PEX11G: variants seen among roughly 807,000 people sequenced by gnomAD.
The protein encoded by PEX11G is peroxisomal membrane protein 11C.
Under a neutral mutation model 22.5 loss-of-function variants are expected in PEX11G, and 20 were observed. The ratio of observed to expected loss-of-function variants is 0.89; its 90% CI spans 0.62 to 1.29. The LOEUF is 1.29. Ranked by LOEUF, PEX11G falls within the 50% of genes most tolerant of loss-of-function variation. The pLI is 0.00. For synonymous variants in PEX11G, 141 were observed against 154.5 expected (o/e 0.91, Z 0.65); for missense variants, 347 against 331.3 (o/e 1.05, Z -0.37).
upstream of PEX11G, among the ~76,000 whole-genome samples, chr19:7,492,476 C>T (rs2145986505): frequency 6.6e-6 from 1 of 152,000 alleles, no homozygotes; most frequent in Non-Finnish European, 1.5e-5. Flanking sequence ...CAGAGTGTCA[C>T]TCTATTGCCT....
chr19:7,491,878 G>C (rs780954263), upstream of PEX11G, among the ~76,000 whole-genome samples: 5 of 151,748 alleles, frequency 3.3e-5, no homozygotes, highest in Non-Finnish European at 7.4e-5. Context: ...GGCTGGTTTC[G>C]ACCTCCTGGA....
In PEX11G at chr19:7,477,095, A is replaced by T; in HGVS notation, c.*107T>A. The T allele has an allele frequency of 1.8e-6, 2 of 1,090,430 alleles. No homozygotes were observed. The highest frequency in any genetic ancestry group is 2.5e-6 in the Non-Finnish European group (2 of 812,362). 67.5% of individuals were successfully genotyped at this position (1,090,430 alleles called of 1,614,324 possible). Reference sequence around the variant, plus strand: ...TCCACCCACCCTGCCCATGGGTTTCACCACAGGCAGCTCCATGAGAGCCCC... The same window carrying T: ...TCCACCCACCCTGCCCATGGGTTTCTCCACAGGCAGCTCCATGAGAGCCCC... On this transcript the variant is annotated 3_prime_UTR_variant, in exon 5 of 5. Transcript: ENST00000221480.
chr19:7,482,091 G>A lies in PEX11G; in HGVS notation c.370C>T (p.Arg124Trp), dbSNP rs774587572. The change falls in exon 3 of 5, where the codon CGG becomes TGG. Residue 124 changes from arginine (R) to tryptophan (W), a missense_variant. Coordinates refer to ENST00000221480, the MANE Select transcript of PEX11G (RefSeq NM_080662.4). Reference protein sequence around the residue: ...DARVLHVDSSRWWTLSTTLWA... With the variant: ...DARVLHVDSSWWWTLSTTLWA... ...AGGGTTGTACTCAGCGTCCACCACC[G>A]AGAAGAGTCCACGTGGAGGACCCGG... The A allele has an allele frequency of 9.3e-6, 15 of 1,605,872 alleles. No individual in the cohort carries two copies. Among genetic ancestry groups the A allele is most frequent in the Admixed American group, 3.4e-5 (2 of 59,132 alleles).
upstream of PEX11G, among the ~76,000 whole-genome samples, chr19:7,490,720 C>T (rs1173479447): frequency 2.1e-5 from 3 of 144,110 alleles, no homozygotes; most frequent in Non-Finnish European, 3.0e-5. Flanking sequence ...GATGTGAAGC[C>T]GCCACTTGTG....
intron 1 of PEX11G, among the ~76,000 whole-genome samples, chr19:7,486,995 T>C (rs2021689463): frequency 6.6e-6 from 1 of 151,480 alleles, no homozygotes; most frequent in Non-Finnish European, 1.5e-5. Flanking sequence ...TGTAGTGAGC[T>C]GTAATCGTGC....
At chr19:7,490,833 G>T (rs994984064), upstream of PEX11G, 6 of 151,668 alleles carry the variant, frequency 4.0e-5, no homozygotes, top group Admixed American at 4.0e-4. Context: ...GAGTGCAGCG[G>T]CACGATCTTA....
chr19:7,478,580 C>T (rs1012463667), intron 3 of PEX11G, among the ~76,000 whole-genome samples: 7 of 152,254 alleles, frequency 4.6e-5, no homozygotes, highest in South Asian at 2.1e-4. Flanking sequence ...CCGTCCCACC[C>T]GGGACATCGT....
chr19:7,486,022 C>A lies in PEX11G; in HGVS notation c.65G>T (p.Arg22Leu). The A allele has an allele frequency of 1.9e-6, 3 of 1,586,958 alleles. No individual in the cohort carries two copies. Among genetic ancestry groups the A allele is most frequent in the Middle Eastern group, 2.2e-4 (1 of 4,588 alleles). Reference protein sequence around the residue: ...ESYRGRDRLIRVLGYCCQLVG... With the variant: ...ESYRGRDRLILVLGYCCQLVG... The stretch of plus-strand genomic sequence containing the variant: ...CAGCTGGCAGCAGTACCCCAGCACT[C>A]GGATCTGTGGGAAACCAGAAGCAGT... The change falls in exon 2 of 5, where the codon CGA becomes CTA. Residue 22 changes from arginine to leucine, a missense_variant. Physicochemically the swap from Arg to Leu is moderately radical, Grantham distance 102 (BLOSUM62 -2). Transcript: ENST00000221480.
upstream of PEX11G, among the ~76,000 whole-genome samples, chr19:7,489,848 CGTCT>C (rs1226714638): frequency 6.8e-6 from 1 of 146,794 alleles, no homozygotes; most frequent in Non-Finnish European, 1.5e-5. Flanking sequence ...TGTCTGGAGA[CGTCT>C]TTTTTTTTTT....
At chr19:7,489,132 A>C (rs1188270303), upstream of PEX11G, 15 of 1,262,682 alleles carry the variant, frequency 1.2e-5, no homozygotes, top group African/African-American at 4.8e-5. Context: ...TGTCCCCCTG[A>C]CCGGCTTTTT....
At chr19:7,481,704 C>T (rs1252926957) in intron 3 of PEX11G, among the ~76,000 whole-genome samples, 2 of 152,136 alleles carry the variant, frequency 1.3e-5, no homozygotes, top group African/African-American at 2.4e-5. Context: ...CTGGAAAATC[C>T]AAGGAAACGG....
chr19:7,492,215 G>C (rs531955334), upstream of PEX11G, among the ~76,000 whole-genome samples: 3 of 152,134 alleles, frequency 2.0e-5, no homozygotes, highest in African/African-American at 7.2e-5. Context: ...GGGTCATTTT[G>C]TAACTCTATG....
Sources: allele counts gnomAD v4.1 joint callset (sites outside exome capture counted in the v4.1 genomes callset), GRCh38; gene constraint gnomAD v4.1.1; transcripts MANE v1.5; gene names NCBI Gene and HGNC (gene_info 2026-07-23, HGNC 2026-07-21).